MYO6: variants seen among roughly 807,000 people sequenced by gnomAD.
The protein encoded by MYO6 is unconventional myosin-VI.
Under a neutral mutation model 178.7 loss-of-function variants are expected in MYO6, and 74 were observed. The ratio of observed to expected loss-of-function variants is 0.41; its 90% CI spans 0.34 to 0.50. MYO6 has a LOEUF of 0.50. Ranked by LOEUF, MYO6 falls within the 20% of genes least tolerant of loss-of-function variation. The pLI is 0.09. For missense variants in MYO6, 1,330 were observed against 1,547.4 expected (o/e 0.86, Z 2.36); for synonymous variants, 477 against 504.6 (o/e 0.95, Z 0.73).
rs148937506 is a variant in MYO6 at position 75,889,927 on chromosome 6, AAAC to A, written c.2659-127_2659-125del. 0.015 allele frequency: 11,768 copies of A among 765,558 alleles called. 567 individuals are homozygous for A. Among genetic ancestry groups the A allele is most frequent in the East Asian group, 0.15 (5,398 of 36,212 alleles). 47.4% of individuals were successfully genotyped at this position (765,558 alleles called of 1,614,324 possible). A position where few individuals can be genotyped will look rare whatever the true frequency, so the allele number is the denominator to read the frequency against. On this transcript the variant is annotated intron_variant, in intron 25 of 34. Transcript: ENST00000369977. ...GTAGTTTTTTATTTTAAATTGTAAA[AAAC>A]AATAAAAACATTAAAATTTATCTTA...
chr6:75,783,559 T>C (rs540823693), intron 1 of MYO6, among the ~76,000 whole-genome samples: 33 of 150,308 alleles, frequency 2.2e-4, no homozygotes, highest in Admixed American at 4.0e-4. Flanking sequence ...ATATCTTCTT[T>C]TTTTTTTTTT....
intron 1 of MYO6, among the ~76,000 whole-genome samples, chr6:75,794,746 A>T (rs1768616727): frequency 7.8e-6 from 1 of 128,066 alleles, no homozygotes; most frequent in Admixed American, 7.0e-5. Flanking sequence ...AAAATAAAAA[A>T]AATAAAAAAA....
At chr6:75,765,151 C>T (rs913198950) in intron 1 of MYO6, among the ~76,000 whole-genome samples, 2 of 140,738 alleles carry the variant, frequency 1.4e-5, no homozygotes, top group Non-Finnish European at 3.0e-5. Flanking sequence ...ACATATAAGG[C>T]TATGACTAAA....
intron 7 of MYO6, among the ~76,000 whole-genome samples, chr6:75,837,897 A>G (rs1442195593): frequency 6.6e-6 from 1 of 152,144 alleles, no homozygotes; most frequent in Non-Finnish European, 1.5e-5. Context: ...ACCTCAGTAA[A>G]AGACTAATTA....
rs146604852 is a variant in MYO6 at position 75,856,983 on chromosome 6, C to G, written c.1224-114C>G. ...TTTATCTGTGCCTATTCTCACATGA[C>G]CTTTGGTAACTCTTTATTTTGTTCT... On this transcript the variant is annotated intron_variant, in intron 12 of 34. Transcript: ENST00000369977. 12 of 957,362 alleles carry G rather than the reference C, an allele frequency of 1.3e-5. No homozygotes were observed. In the African/African-American group the frequency reaches 1.3e-4, roughly 10 times the overall value. 59.3% of individuals were successfully genotyped at this position (957,362 alleles called of 1,614,324 possible). A position where few individuals can be genotyped will look rare whatever the true frequency, so the allele number is the denominator to read the frequency against.
At chr6:75,901,993 T>C (rs998084311) in intron 30 of MYO6, among the ~76,000 whole-genome samples, 4 of 152,218 alleles carry the variant, frequency 2.6e-5, no homozygotes, top group African/African-American at 9.7e-5. Context: ...CATGTGGTTT[T>C]TGTCTTTGGT....
chr6:75,822,910 A>T (rs981108246), intron 3 of MYO6, 59 bp downstream of exon 3: 26 of 1,346,522 alleles, frequency 1.9e-5, no homozygotes, highest in East Asian at 1.8e-4. Flanking sequence ...TCTTTTAAAA[A>T]AATAAATTAG....
rs1171190212 is a variant in MYO6, at chr6:75,841,143, T to C, written c.652-71T>C. 5.6e-6 allele frequency: 8 copies of C among 1,429,052 alleles called. No individual in the cohort carries two copies. The Admixed American group carries it at 1.4e-4, about 25-fold the overall frequency. The allele number at this position is 1,429,052 out of a possible 1,614,324, so 88.5% of individuals were successfully genotyped here. A position where few individuals can be genotyped will look rare whatever the true frequency, so the allele number is the denominator to read the frequency against. On this transcript the variant is annotated intron_variant, in intron 8 of 34. Transcript: ENST00000369977. ...AAATGGTATTAGAAAAGGTAAATAA[T>C]TTAACATTGGTTAATTATATTTTAA...
intron 1 of MYO6, among the ~76,000 whole-genome samples, chr6:75,812,458 G>A (rs1486744313): frequency 2.0e-5 from 3 of 152,120 alleles, no homozygotes; most frequent in South Asian, 2.1e-4. Context: ...GTACCACAAC[G>A]ATCCAAGTAT....
chr6:75,784,725 C>T (rs910876842), intron 1 of MYO6, among the ~76,000 whole-genome samples: 7 of 135,066 alleles, frequency 5.2e-5, no homozygotes, highest in Non-Finnish European at 7.5e-5. Flanking sequence ...TGCAGCGAGC[C>T]GAGGTCGCAC....
chr6:75,823,677 A>G lies in MYO6; in HGVS notation c.187+826A>G, dbSNP rs754857199. Among the ~76,000 whole-genome samples the G allele has an allele frequency of 3.9e-5, 6 of 152,236 alleles. No homozygotes were observed. In the South Asian group the frequency reaches 8.3e-4, roughly 21 times the overall value. On this transcript the variant is annotated intron_variant, in intron 3 of 34. Transcript: ENST00000369977. ...AGACTATAAAACCCCCATATGTAGA[A>G]TGGTGGCAGCATAGACTAGTGGGAG...
intron 1 of MYO6, among the ~76,000 whole-genome samples, chr6:75,778,521 C>T (rs1016942302): frequency 1.1e-4 from 16 of 151,716 alleles, no homozygotes; most frequent in East Asian, 1.9e-4. Flanking sequence ...GGCTTGAACC[C>T]GGGAGGCGGA....
chr6:75,759,854 A>G (rs551561629), intron 1 of MYO6, among the ~76,000 whole-genome samples: 1 of 152,222 alleles, frequency 6.6e-6, no homozygotes, highest in South Asian at 2.1e-4. Context: ...ATAACCCAAC[A>G]AGAAACATAA....
In MYO6 at chr6:75,817,613, G is replaced by T; in HGVS notation, c.66G>T (p.Val22=). Residue 22 remains valine (V), a synonymous_variant, in exon 2 of 35, where the codon GTG becomes GTT. Transcript: ENST00000369977. ...ATGGATTTCAGATGGGCAATATTGT[G>T]GATATTGGCCCCGACAGCTTAACAA... ...PTDGFQMGNI[V]DIGPDSLTIE... is the part of the protein sequence containing the mutation. 6.2e-7 allele frequency: 1 copy of T among 1,614,148 alleles called. No homozygotes were observed. The highest frequency in any genetic ancestry group is 8.5e-7 in the Non-Finnish European group (1 of 1,180,014).
chr6:75,835,756 A>G, intron 6 of MYO6, 145 bp from the exon 7 acceptor site: 1 of 636,930 alleles, frequency 1.6e-6, no homozygotes, highest in Non-Finnish European at 2.8e-6. Flanking sequence ...AAATAAATTT[A>G]AAAAGCTATG....
intron 1 of MYO6, among the ~76,000 whole-genome samples, chr6:75,777,365 T>C (rs1437330245): frequency 6.6e-6 from 1 of 152,142 alleles, no homozygotes; most frequent in Non-Finnish European, 1.5e-5. Context: ...ACACAGACTT[T>C]GGGTTTAAAA....
At chr6:75,767,432 TTAA>T in intron 1 of MYO6, among the ~76,000 whole-genome samples, 1 of 152,106 alleles carries the variant, frequency 6.6e-6, no homozygotes, top group South Asian at 2.1e-4. Context: ...GAATATAAAA[TTAA>T]TGTTTCATTT....
intron 30 of MYO6, among the ~76,000 whole-genome samples, chr6:75,899,461 A>T (rs1242478923): frequency 2.6e-5 from 4 of 152,130 alleles, no homozygotes; most frequent in Admixed American, 2.6e-4. Flanking sequence ...ATTGATTGGT[A>T]GTTTAGGGAT....
At chr6:75,806,218 C>G (rs534324623) in intron 1 of MYO6, among the ~76,000 whole-genome samples, 4 of 151,950 alleles carry the variant, frequency 2.6e-5, no homozygotes, top group Non-Finnish European at 5.9e-5. Flanking sequence ...AACCTCTTCT[C>G]TACTAAAAAT....
Sources: gnomAD v4.1 joint callset for allele counts (sites outside exome capture counted in the v4.1 genomes callset) on GRCh38, gnomAD v4.1.1 for gene constraint, MANE v1.5 for transcripts, NCBI Gene and HGNC (gene_info 2026-07-23, HGNC 2026-07-21) for gene names.